SMTNL2: variants seen among roughly 807,000 people sequenced by gnomAD.
SMTNL2 encodes the protein smoothelin-like protein 2.
SMTNL2 carries 43 observed loss-of-function variants against 44.1 expected under a neutral mutation model. The observed-to-expected ratio is 0.98, with a 90% CI of 0.76 to 1.26. SMTNL2 has a LOEUF of 1.26. Ranked by LOEUF, SMTNL2 falls within the 50% of genes most tolerant of loss-of-function variation. The pLI, the probability that SMTNL2 is intolerant of heterozygous loss-of-function variation, is 0.00. For synonymous variants in SMTNL2, 317 were observed against 287.6 expected, an observed-to-expected ratio of 1.10 and a Z score of -1.03; for missense variants, 646 against 670.2, an observed-to-expected ratio of 0.96 and a Z score of 0.40.
chr17:4,605,586 C>T (rs1002761733), intron 7 of SMTNL2, among the ~76,000 whole-genome samples: 6 of 152,106 alleles, frequency 3.9e-5, no homozygotes, highest in African/African-American at 1.2e-4. Flanking sequence ...AACTGAAGCC[C>T]GGAGAAATGA....
chr17:4,584,648 G>C lies in SMTNL2; in HGVS notation c.43G>C (p.Glu15Gln). Residue 15 changes from glutamate (E) to glutamine (Q), a missense_variant, in exon 1 of 8, where the codon GAG becomes CAG. Transcript: ENST00000389313. ...PDAQEARTVR[E>Q]ALGRYEAALE... Reference sequence around the variant, plus strand: ...CGCCCAGGAGGCGCGCACTGTGCGCGAGGCGCTGGGCCGCTACGAGGCGGC... The same window carrying C: ...CGCCCAGGAGGCGCGCACTGTGCGCCAGGCGCTGGGCCGCTACGAGGCGGC... 7.9e-7 allele frequency: 1 copy of C among 1,266,826 alleles called. No individual in the cohort carries two copies. Among genetic ancestry groups the C allele is most frequent in the Non-Finnish European group, 9.9e-7 (1 of 1,008,634 alleles). The allele number at this position is 1,266,826 out of a possible 1,614,324, so 78.5% of individuals were successfully genotyped here. A position where few individuals can be genotyped will look rare whatever the true frequency, so the allele number is the denominator to read the frequency against.
chr17:4,602,311 CTTTTTTTTTTTTTTT>C (rs35927212), intron 7 of SMTNL2, among the ~76,000 whole-genome samples: 1 of 43,730 alleles, frequency 2.3e-5, no homozygotes, highest in African/African-American at 9.9e-5. Context: ...AAGGCAGGTG[CTTTTTTTTTTTTTTT>C]TTTTTTTTTT....
chr17:4,593,427 T>A (rs1479595545), intron 3 of SMTNL2, among the ~76,000 whole-genome samples: 1 of 152,226 alleles, frequency 6.6e-6, no homozygotes, highest in African/African-American at 2.4e-5. Flanking sequence ...CCTCTTGCCC[T>A]GCACGTTGGG....
chr17:4,605,130 A>C (rs1246295977), intron 7 of SMTNL2, among the ~76,000 whole-genome samples: 1 of 148,728 alleles, frequency 6.7e-6, no homozygotes, highest in African/African-American at 2.5e-5. Context: ...GGCAACAAGA[A>C]TAATCTCTGA....
In SMTNL2 at chr17:4,584,535, G is replaced by C; in HGVS notation, c.-71G>C. The C allele has an allele frequency of 1.7e-6, 2 of 1,209,614 alleles. No individual in the cohort carries two copies. Among genetic ancestry groups the C allele is most frequent in the Non-Finnish European group, 2.1e-6 (2 of 973,404 alleles). The allele number at this position is 1,209,614 out of a possible 1,614,324, so 74.9% of individuals were successfully genotyped here. On this transcript the variant is annotated 5_prime_UTR_variant, in exon 1 of 8. Coordinates refer to ENST00000389313, the MANE Select transcript of SMTNL2 (RefSeq NM_001114974.2). Reference sequence around the variant, plus strand: ...AAGCCAGCCACGGACGGCCAGTCGCGGCCCGGAGCTGCGGAGCTCGGATCT... The same window carrying C: ...AAGCCAGCCACGGACGGCCAGTCGCCGCCCGGAGCTGCGGAGCTCGGATCT...
At position 4,598,849 on chromosome 17, in the gene SMTNL2, A is replaced by C. The variant is rs1442339121; in HGVS notation, c.1259+1526A>C. ...TAAAAAAAAAAAAAAAGTGGTCCTC[A>C]TGGGCTTGTTGGGTTAAAGGAGCCT... is the stretch of plus-strand genomic sequence containing the variant. On this transcript the variant is annotated intron_variant, in intron 7 of 7. Coordinates refer to ENST00000389313, the MANE Select transcript of SMTNL2 (RefSeq NM_001114974.2). This position sits in a 1 kb window ranked among gnomAD's most constrained non-coding sequence, Gnocchi z 4.8. 6.7e-6 allele frequency among the ~76,000 whole-genome samples: 1 copy of C among 149,506 alleles called. No individual in the cohort carries two copies. The highest frequency in any genetic ancestry group is 1.5e-5 in the Non-Finnish European group (1 of 67,650).
In SMTNL2 at chr17:4,585,383, C is replaced by T. The variant is rs866700471; in HGVS notation, c.399+379C>T. 3.3e-5 allele frequency among the ~76,000 whole-genome samples: 5 copies of T among 152,362 alleles called. No individual in the cohort carries two copies. In the South Asian group the frequency reaches 8.3e-4, roughly 25 times the overall value. On this transcript the variant is annotated intron_variant, in intron 1 of 7. Transcript: ENST00000389313. ...GGAATGGTCGACACCCCTGCCTGAC[C>T]CCCACCCTCCATTCACGCTCCCCTG...
chr17:4,586,973 G>A (rs1478494113), intron 1 of SMTNL2, among the ~76,000 whole-genome samples: 4 of 152,040 alleles, frequency 2.6e-5, no homozygotes, highest in East Asian at 2.0e-4. Flanking sequence ...TCATGGATCT[G>A]GTGCTCCACA....
At chr17:4,593,204 C>A (rs1404999790) in intron 3 of SMTNL2, 33 bp downstream of exon 3, 2 of 1,541,724 alleles carry the variant, frequency 1.3e-6, no homozygotes, top group South Asian at 2.5e-5. Flanking sequence ...TTGGGGCAGA[C>A]CTCCCCTTGG....
intron 4 of SMTNL2, among the ~76,000 whole-genome samples, chr17:4,594,452 A>T (rs1255739237): frequency 6.7e-6 from 1 of 149,214 alleles, no homozygotes; most frequent in Non-Finnish European, 1.5e-5. Flanking sequence ...CTATCTACAA[A>T]AAATAAATAA....
intron 1 of SMTNL2, among the ~76,000 whole-genome samples, chr17:4,589,938 C>CTTTTTTTTTTTTTTTTTTTTTTTTTTT (rs780984262): frequency 1.7e-5 from 1 of 59,792 alleles, no homozygotes; most frequent in Admixed American, 2.6e-4. Flanking sequence ...ACGCACCTGG[C>CTTTTTTTTTTTTTTTTTTTTTTTTTTT]TTTTTTTTTT....
intron 4 of SMTNL2, among the ~76,000 whole-genome samples, chr17:4,594,177 G>A (rs544514258): frequency 2.6e-4 from 39 of 152,164 alleles, no homozygotes; most frequent in Admixed American, 1.6e-3. Context: ...GGCCGGGCGC[G>A]GTGGCTCACA....
At chr17:4,596,804 C>T (rs143927487) in intron 5 of SMTNL2, 56 bp from the exon 6 acceptor site, 17 of 1,381,716 alleles carry the variant, frequency 1.2e-5, no homozygotes, top group African/African-American at 2.9e-5. Flanking sequence ...CCCAGACCCG[C>T]ACTGGGAGAT....
chr17:4,601,931 T>C (rs1910052740), intron 7 of SMTNL2, among the ~76,000 whole-genome samples: 1 of 152,194 alleles, frequency 6.6e-6, no homozygotes, highest in Admixed American at 6.5e-5. Context: ...AAACATTTTT[T>C]ATAAATGTCA....
At chr17:4,594,259 G>C (rs1202785935) in intron 4 of SMTNL2, among the ~76,000 whole-genome samples, 2 of 152,088 alleles carry the variant, frequency 1.3e-5, no homozygotes, top group African/African-American at 4.8e-5. Flanking sequence ...GACCAGACTG[G>C]CCAACATGGC....
rs75862969 is a variant in SMTNL2 at position 4,591,196 on chromosome 17, G to A, written c.400-1165G>A. On this transcript the variant is annotated intron_variant, in intron 1 of 7. Coordinates refer to ENST00000389313, the MANE Select transcript of SMTNL2 (RefSeq NM_001114974.2). ...TCCCCTCCCAGACTGATTCCCCAAT[G>A]GCAGGGTGGCACCTCCCGCACTGGT... 2.7e-3 allele frequency among the ~76,000 whole-genome samples: 417 copies of A among 152,314 alleles called. 2 individuals carry two copies. The highest frequency in any genetic ancestry group is 9.8e-3 in the African/African-American group (408 of 41,570).
chr17:4,593,047 A>C lies in SMTNL2; in HGVS notation c.606A>C (p.Arg202=), dbSNP rs1337551154. The C allele has an allele frequency of 1.2e-6, 2 of 1,614,010 alleles. No homozygotes were observed. The highest frequency in any genetic ancestry group is 2.2e-5 in the South Asian group (2 of 91,082). ...ACCAGCCAGTCACGGCCATCACCCG[A>C]GTCTCTGACAGGTTCTCTGGGGAGA... The part of the protein sequence containing the change: ...LPHQPVTAIT[R]VSDRFSGETS... Residue 202 remains arginine, a synonymous_variant, in exon 3 of 8, where the codon CGA becomes CGC. Coordinates refer to ENST00000389313, the MANE Select transcript of SMTNL2 (RefSeq NM_001114974.2).
intron 1 of SMTNL2, among the ~76,000 whole-genome samples, chr17:4,585,787 C>T (rs1423860674): frequency 6.6e-6 from 1 of 152,184 alleles, no homozygotes; most frequent in Non-Finnish European, 1.5e-5. Context: ...GGTTGGGTTC[C>T]CAGGATCTGG....
In SMTNL2 at chr17:4,595,189, C is replaced by G; in HGVS notation, c.851C>G (p.Pro284Arg). The G allele has an allele frequency of 6.2e-7, 1 of 1,613,336 alleles. No homozygotes were observed. The highest frequency in any genetic ancestry group is 8.5e-7 in the Non-Finnish European group (1 of 1,180,006). The change falls in exon 5 of 8, where the codon CCG (proline) becomes CGG (arginine). Residue 284 changes from proline to arginine, a missense_variant. Pro to Arg is a moderately radical substitution (Grantham distance 103). Transcript: ENST00000389313. The surrounding 1 kb of genome is among the most constrained non-coding windows in gnomAD (Gnocchi z 5.1). ...CCCCAGTCGCCCGTGTCCCCGCAGCCGCCAGCCATAACTCAGGTCCATCGG... is the reference window on the plus strand; with the variant it reads ...CCCCAGTCGCCCGTGTCCCCGCAGCGGCCAGCCATAACTCAGGTCCATCGG... ...TPPQSPVSPQPPAITQVHRQG... is the reference protein window; with the variant it reads ...TPPQSPVSPQRPAITQVHRQG...
Sources: allele counts gnomAD v4.1 joint callset (sites outside exome capture counted in the v4.1 genomes callset), GRCh38; gene constraint gnomAD v4.1.1; non-coding constraint Gnocchi (gnomAD v3.1); transcripts MANE v1.5; gene names NCBI Gene and HGNC (gene_info 2026-07-23, HGNC 2026-07-21).